CERKL: variants seen among roughly 807,000 people sequenced by gnomAD.
CERKL encodes the protein CERK like autophagy regulator.
Under a neutral mutation model 63.4 loss-of-function variants are expected in CERKL, and 61 were observed. The ratio of observed to expected loss-of-function variants is 0.96; its 90% CI spans 0.78 to 1.19. CERKL has a LOEUF of 1.19. Ranked by LOEUF, CERKL falls within the 50% of genes most tolerant of loss-of-function variation. The pLI, the probability that CERKL is intolerant of heterozygous loss-of-function variation, is 0.00. For synonymous variants in CERKL, 250 were observed against 230.5 expected, an observed-to-expected ratio of 1.08 and a Z score of -0.77; for missense variants, 675 against 655.5, an observed-to-expected ratio of 1.03 and a Z score of -0.33.
intron 1 of CERKL, among the ~76,000 whole-genome samples, chr2:181,627,949 T>C (rs1686783106): frequency 6.6e-6 from 1 of 152,198 alleles, no homozygotes; most frequent in Non-Finnish European, 1.5e-5. Context: ...TGATAGCACA[T>C]TTATAAAATC....
At chr2:181,574,054 C>T (rs1689022049) in intron 2 of CERKL, among the ~76,000 whole-genome samples, 170 bp from the exon 3 acceptor site, 1 of 151,990 alleles carries the variant, frequency 6.6e-6, no homozygotes, top group Non-Finnish European at 1.5e-5. Flanking sequence ...TATTTGAAAA[C>T]ATTTTCCTAG....
In CERKL at chr2:181,636,028, C is replaced by T. The variant is rs529820382; in HGVS notation, c.238+20741G>A. On this transcript the variant is annotated intron_variant, in intron 1 of 12. Transcript: ENST00000410087. ...GGATACACAAGGAAAGAGCCTAGGG[C>T]TCATAGGAAATACAGATCTTAGGCT... Among the ~76,000 whole-genome samples the T allele has an allele frequency of 7.9e-5, 12 of 152,270 alleles. No individual in the cohort carries two copies. The South Asian group carries it at 2.5e-3, about 32-fold the overall frequency.
intron 2 of CERKL, among the ~76,000 whole-genome samples, chr2:181,598,779 A>G (rs1036726684): frequency 6.6e-6 from 1 of 152,126 alleles, no homozygotes. Flanking sequence ...ACCACGCCCA[A>G]GGAATCCATA....
intron 1 of CERKL, among the ~76,000 whole-genome samples, chr2:181,624,413 T>C (rs980153376): frequency 6.6e-6 from 1 of 151,338 alleles, no homozygotes; most frequent in Non-Finnish European, 1.5e-5. Context: ...TGTGTGCCTG[T>C]AGTCCTAGCT....
chr2:181,561,889 C>A (rs189929456), intron 4 of CERKL, among the ~76,000 whole-genome samples: 1 of 152,124 alleles, frequency 6.6e-6, no homozygotes, highest in African/African-American at 2.4e-5. Flanking sequence ...TCTCAGCTCA[C>A]TGCAACCTCT....
intron 1 of CERKL, among the ~76,000 whole-genome samples, chr2:181,634,497 A>T (rs935049187): frequency 3.3e-5 from 5 of 152,048 alleles, no homozygotes; most frequent in South Asian, 2.1e-4. Context: ...GGTGAAAAAA[A>T]TTTTTTCCAG....
At chr2:181,589,692 T>G (rs1046897479) in intron 2 of CERKL, among the ~76,000 whole-genome samples, 1 of 152,168 alleles carries the variant, frequency 6.6e-6, no homozygotes, top group Non-Finnish European at 1.5e-5. Context: ...GATCTAAAAT[T>G]CAACTATGCA....
intron 1 of CERKL, among the ~76,000 whole-genome samples, chr2:181,612,377 C>T (rs1354418376): frequency 6.6e-6 from 1 of 152,056 alleles, no homozygotes; most frequent in Non-Finnish European, 1.5e-5. Flanking sequence ...AATAAAGATA[C>T]AGAATTTTCC....
chr2:181,542,672 G>A (rs1030946991), intron 11 of CERKL, among the ~76,000 whole-genome samples: 2 of 151,504 alleles, frequency 1.3e-5, no homozygotes, highest in African/African-American at 4.8e-5. Flanking sequence ...TTTGAAAGTT[G>A]ATAAATAAAT....
intron 1 of CERKL, among the ~76,000 whole-genome samples, chr2:181,626,220 C>CT (rs1167641893): frequency 2.6e-5 from 4 of 152,010 alleles, no homozygotes; most frequent in Admixed American, 6.6e-5. Flanking sequence ...TGTTATTTTA[C>CT]TTTTTTTGAT....
chr2:181,569,815 A>C (rs1449005299), intron 3 of CERKL, among the ~76,000 whole-genome samples: 1 of 152,162 alleles, frequency 6.6e-6, no homozygotes, highest in Non-Finnish European at 1.5e-5. Context: ...TAGATGGGGC[A>C]CATTTATTTC....
chr2:181,582,758 C>T (rs1291988134), intron 2 of CERKL, among the ~76,000 whole-genome samples: 2 of 151,856 alleles, frequency 1.3e-5, no homozygotes, highest in Non-Finnish European at 2.9e-5. Flanking sequence ...TGGCCAGGCT[C>T]GTCTTGAACT....
In CERKL at chr2:181,537,599, G is replaced by T; in HGVS notation, c.*585C>A. 1 of 428,928 alleles carries T rather than the reference G, an allele frequency of 2.3e-6. No individual in the cohort carries two copies. The highest frequency in any genetic ancestry group is 1.7e-5 in the South Asian group (1 of 59,008). The allele number at this position is 428,928 out of a possible 1,614,324, so 26.6% of individuals were successfully genotyped here. ...TGAAATCTGTATTATATTTGTAACAGAATATAGGAAATTTAACATAATTGA... is the reference window on the plus strand; with the variant it reads ...TGAAATCTGTATTATATTTGTAACATAATATAGGAAATTTAACATAATTGA... On this transcript the variant is annotated 3_prime_UTR_variant, in exon 13 of 13. Coordinates refer to ENST00000410087, the MANE Select transcript of CERKL (RefSeq NM_201548.5).
chr2:181,600,246 T>C (rs1685401063), intron 2 of CERKL, among the ~76,000 whole-genome samples: 1 of 152,160 alleles, frequency 6.6e-6, no homozygotes, highest in Non-Finnish European at 1.5e-5. Flanking sequence ...TGCTACCATA[T>C]AAGCACACAA....
chr2:181,561,178 C>A (rs1213977055), intron 4 of CERKL, among the ~76,000 whole-genome samples: 5 of 151,930 alleles, frequency 3.3e-5, no homozygotes, highest in African/African-American at 1.2e-4. Context: ...CTTTGGGAGG[C>A]CAAGGGTGGA....
At chr2:181,578,576 G>A (rs1454774928) in intron 2 of CERKL, among the ~76,000 whole-genome samples, 1 of 151,228 alleles carries the variant, frequency 6.6e-6, no homozygotes, top group African/African-American at 2.5e-5. Flanking sequence ...AGGATTACAG[G>A]TATGAACCAC....
intron 1 of CERKL, among the ~76,000 whole-genome samples, chr2:181,611,804 G>A (rs536453600): frequency 1.9e-3 from 295 of 152,254 alleles, no homozygotes; most frequent in African/African-American, 6.5e-3. Context: ...ATGCATGTAA[G>A]CATGAATATG....
At chr2:181,640,617 G>A (rs990391260) in intron 1 of CERKL, among the ~76,000 whole-genome samples, 4 of 152,132 alleles carry the variant, frequency 2.6e-5, no homozygotes, top group African/African-American at 7.2e-5. Flanking sequence ...CAACAAGGAC[G>A]GTCCATTTTC....
chr2:181,578,236 A>ATG (rs202143973), intron 2 of CERKL, among the ~76,000 whole-genome samples: 4,229 of 143,600 alleles, frequency 0.029, 120 homozygotes, highest in Middle Eastern at 0.096. Context: ...ACACACATAT[A>ATG]TGTGTGTATA....
Sources: gnomAD v4.1 joint callset for allele counts (sites outside exome capture counted in the v4.1 genomes callset) on GRCh38, gnomAD v4.1.1 for gene constraint, MANE v1.5 for transcripts, NCBI Gene and HGNC (gene_info 2026-07-23, HGNC 2026-07-21) for gene names.